MYOCD: variants seen among roughly 807,000 people sequenced by gnomAD.
The protein encoded by MYOCD is myocardin.
In MYOCD, 32 loss-of-function variants were observed where a neutral mutation model predicts 96.1. That is an observed-to-expected ratio of 0.33 (90% CI 0.25 to 0.45). MYOCD has a LOEUF of 0.45. Among genes scored for constraint, MYOCD ranks in the 20% least tolerant of loss-of-function variants. MYOCD has a pLI of 1.00. For synonymous variants in MYOCD, 469 were observed against 469.0 expected (o/e 1.00, Z 0.00); for missense variants, 1,133 against 1,200.6 (o/e 0.94, Z 0.83).
rs978373120 is a variant in MYOCD, at chr17:12,710,426, A to G, written c.122-5093A>G. ...CTGGGCAGCTTGGTTTCATGATCTGATCAATGTAAATGAATTTAAAGATAC... is the reference window on the plus strand; with the variant it reads ...CTGGGCAGCTTGGTTTCATGATCTGGTCAATGTAAATGAATTTAAAGATAC... On this transcript the variant is annotated intron_variant, in intron 2 of 13. Coordinates refer to ENST00000425538, the MANE Select transcript of MYOCD (RefSeq NM_001146312.3). 1.7e-5 allele frequency: 13 copies of G among 767,496 alleles called. No homozygotes were observed. The African/African-American group carries it at 2.3e-4, about 13-fold the overall frequency. The allele number at this position is 767,496 out of a possible 1,614,324, so 47.5% of individuals were successfully genotyped here.
At chr17:12,677,945 T>A (rs1029692938) in intron 1 of MYOCD, among the ~76,000 whole-genome samples, 1 of 147,624 alleles carries the variant, frequency 6.8e-6, no homozygotes, top group Non-Finnish European at 1.5e-5. Context: ...CAGGCTGGAG[T>A]GCAGTGGCAA....
At chr17:12,695,228 G>C (rs949695807) in intron 1 of MYOCD, among the ~76,000 whole-genome samples, 2 of 152,128 alleles carry the variant, frequency 1.3e-5, no homozygotes, top group African/African-American at 4.8e-5. Context: ...GGCAGGCTTG[G>C]TGTCTGATGA....
chr17:12,724,532 A>AT (rs140062825), intron 5 of MYOCD, among the ~76,000 whole-genome samples: 2,895 of 152,088 alleles, frequency 0.019, 58 homozygotes, highest in Middle Eastern at 0.044. Flanking sequence ...TATATGGTCA[A>AT]TTTTACCTAT....
chr17:12,766,781 A>C lies in MYOCD; in HGVS notation c.*3137A>C, dbSNP rs1316073165. 1 of 152,202 alleles carries C rather than the reference A, an allele frequency of 6.6e-6. No individual in the cohort carries two copies. The highest frequency in any genetic ancestry group is 1.5e-5 in the Non-Finnish European group (1 of 68,038). The allele number at this position is 152,202 out of a possible 1,614,324, so 9.4% of individuals were successfully genotyped here. A position where few individuals can be genotyped will look rare whatever the true frequency, so the allele number is the denominator to read the frequency against. On this transcript the variant is annotated 3_prime_UTR_variant, in exon 14 of 14. Transcript: ENST00000425538. ...GACCTCTGAACCCCCATGGTGATGA[A>C]GACTTGAAGACATTTGCAGCTATCT...
In MYOCD at chr17:12,746,050, C is replaced by T; in HGVS notation, c.1103C>T (p.Pro368Leu). Residue 368 changes from proline to leucine, a missense_variant, in exon 9 of 14, where the codon CCA becomes CTA. Coordinates refer to ENST00000425538, the MANE Select transcript of MYOCD (RefSeq NM_001146312.3). The part of the protein sequence containing the change: ...GVSSFKPGPL[P>L]PNLDDLKVSE... ...TCTTCTTTCAAACCAGGCCCACTCC[C>T]ACCTAACCTGGATGATCTGAAGGTA... The T allele has an allele frequency of 1.2e-6, 2 of 1,614,208 alleles. No homozygotes were observed. The highest frequency in any genetic ancestry group is 1.7e-6 in the Non-Finnish European group (2 of 1,180,028).
At position 12,765,079 on chromosome 17, in the gene MYOCD, C is replaced by T. The variant is rs1053257605; in HGVS notation, c.*1435C>T. On this transcript the variant is annotated 3_prime_UTR_variant, in exon 14 of 14. Coordinates refer to ENST00000425538, the MANE Select transcript of MYOCD (RefSeq NM_001146312.3). The stretch of plus-strand genomic sequence containing the variant: ...TCAGATCTGGGTTTTTGAAAGAAAA[C>T]AGAATTGCGCATTGAAAACGATGGA... 6.6e-6 allele frequency: 1 copy of T among 152,088 alleles called. No individual in the cohort carries two copies. Among genetic ancestry groups the T allele is most frequent in the African/African-American group, 2.4e-5 (1 of 41,388 alleles). 9.4% of individuals were successfully genotyped at this position (152,088 alleles called of 1,614,324 possible).
In MYOCD at chr17:12,752,656, C is replaced by A; in HGVS notation, c.1368C>A (p.Pro456=). The change falls in exon 10 of 14, where the codon CCC becomes CCA. Residue 456 remains proline, a synonymous_variant. Coordinates refer to ENST00000425538, the MANE Select transcript of MYOCD (RefSeq NM_001146312.3). ...FYHFGSTSSS[P]PISPASSDLS... is the part of the protein sequence containing the mutation. ...ACTTTGGCAGCACCAGCTCCAGCCC[C>A]CCGATCTCCCCAGCCTCCTCTGACC... is the stretch of plus-strand genomic sequence containing the variant. 1 of 1,614,094 alleles carries A rather than the reference C, an allele frequency of 6.2e-7. No individual in the cohort carries two copies. The highest frequency in any genetic ancestry group is 8.5e-7 in the Non-Finnish European group (1 of 1,179,980).
intron 1 of MYOCD, among the ~76,000 whole-genome samples, chr17:12,702,264 T>A (rs1396063175): frequency 6.6e-6 from 1 of 152,094 alleles, no homozygotes; most frequent in Non-Finnish European, 1.5e-5. Context: ...TATGTCTTCC[T>A]GATGAATTCT....
chr17:12,759,944 TC>T (rs2033123631), intron 12 of MYOCD, among the ~76,000 whole-genome samples: 2 of 152,360 alleles, frequency 1.3e-5, no homozygotes, highest in Admixed American at 6.5e-5. Flanking sequence ...GCCTTCTTTT[TC>T]CCTTCTCCTG....
At position 12,701,453 on chromosome 17, in the gene MYOCD, G is replaced by C. The variant is rs149560193; in HGVS notation, c.56-3675G>C. Among the ~76,000 whole-genome samples the C allele has an allele frequency of 1.5e-3, 226 of 152,214 alleles. 2 individuals carry two copies. Among genetic ancestry groups the C allele is most frequent in the African/African-American group, 5.0e-3 (208 of 41,544 alleles). On this transcript the variant is annotated intron_variant, in intron 1 of 13. Transcript: ENST00000425538. Reference sequence around the variant, plus strand: ...AATAAAATAAAATAAGTCTAGTTAGGAGTTTGACAGTTTTGTTGATCTTTG... The same window carrying C: ...AATAAAATAAAATAAGTCTAGTTAGCAGTTTGACAGTTTTGTTGATCTTTG...
chr17:12,669,079 T>G (rs1909532495), intron 1 of MYOCD, among the ~76,000 whole-genome samples: 1 of 152,244 alleles, frequency 6.6e-6, no homozygotes, highest in South Asian at 2.1e-4. Flanking sequence ...GAGGCAGTTT[T>G]ACATGAATGT....
chr17:12,722,789 AAG>A (rs2031879822), intron 4 of MYOCD, 56 bp from the exon 5 acceptor site: 7 of 1,451,274 alleles, frequency 4.8e-6, no homozygotes, highest in Non-Finnish European at 6.6e-6. Context: ...AAAAACAAAA[AAG>A]AGAGAGACAG....
intron 5 of MYOCD, among the ~76,000 whole-genome samples, chr17:12,734,255 AG>A (rs2032270686): frequency 6.6e-6 from 1 of 152,138 alleles, no homozygotes; most frequent in African/African-American, 2.4e-5. Flanking sequence ...GGAAGTGGGC[AG>A]GGGAGGTGAC....
At chr17:12,707,955 ATG>A (rs138143185) in intron 2 of MYOCD, among the ~76,000 whole-genome samples, 1 of 151,656 alleles carries the variant, frequency 6.6e-6, no homozygotes, top group Non-Finnish European at 1.5e-5. Context: ...CACTATATAT[ATG>A]TGTGTGTGTG....
intron 1 of MYOCD, among the ~76,000 whole-genome samples, chr17:12,700,036 G>A (rs1264638315): frequency 2.6e-5 from 4 of 151,080 alleles, no homozygotes; most frequent in African/African-American, 9.7e-5. Context: ...AGCCTCCCGA[G>A]TAGCTGGGAC....
intron 5 of MYOCD, among the ~76,000 whole-genome samples, chr17:12,733,885 A>AAAAAAAG (rs1567591071): frequency 5.0e-5 from 7 of 139,790 alleles, no homozygotes; most frequent in African/African-American, 1.1e-4. Context: ...AAAAAAGAAA[A>AAAAAAAG]AAAGAAAGAA....
chr17:12,704,872 G>A (rs1272512484), intron 1 of MYOCD: 10 of 411,366 alleles, frequency 2.4e-5, no homozygotes, highest in Admixed American at 8.5e-5. Context: ...ATGGCACTGC[G>A]AAAATAACAA....
rs1437830848 is a variant in MYOCD, at chr17:12,756,394, T to C, written c.2059-20T>C. On this transcript the variant is annotated intron_variant, in intron 10 of 13. Coordinates refer to ENST00000425538, the MANE Select transcript of MYOCD (RefSeq NM_001146312.3). The stretch of plus-strand genomic sequence containing the variant: ...GTAAGCTGCTGCTGGCCATGTAATT[T>C]GTCACTTCTTCCTTTGCAGAACTCA... The C allele has an allele frequency of 6.4e-7, 1 of 1,552,052 alleles. No homozygotes were observed. The highest frequency in any genetic ancestry group is 2.0e-5 in the Admixed American group (1 of 50,968).
In MYOCD at chr17:12,767,908, T is replaced by C. The variant is rs959224657; in HGVS notation, c.*4264T>C. ...CTCTATAGACAAAAGGGACACTTAC[T>C]GGTGAGCCTCTGGCCCTTAAAAGAA... On this transcript the variant is annotated 3_prime_UTR_variant, in exon 14 of 14. Coordinates refer to ENST00000425538, the MANE Select transcript of MYOCD (RefSeq NM_001146312.3). 1.3e-5 allele frequency: 2 copies of C among 152,196 alleles called. No individual in the cohort carries two copies. The highest frequency in any genetic ancestry group is 2.9e-5 in the Non-Finnish European group (2 of 68,036). 9.4% of individuals were successfully genotyped at this position (152,196 alleles called of 1,614,324 possible).
Sources: gnomAD v4.1 joint callset for allele counts (sites outside exome capture counted in the v4.1 genomes callset) on GRCh38, gnomAD v4.1.1 for gene constraint, MANE v1.5 for transcripts, NCBI Gene and HGNC (gene_info 2026-07-23, HGNC 2026-07-21) for gene names.